Variants in HAPLN1 observed in about 807,000 individuals in gnomAD.
HAPLN1 encodes hyaluronan and proteoglycan link protein 1, also known as Cartilage link protein.
In HAPLN1, 13 loss-of-function variants were observed where a neutral mutation model predicts 36.5. That is an observed-to-expected ratio of 0.36 (90% confidence interval 0.23 to 0.57). HAPLN1 has a LOEUF of 0.57. Ranked by LOEUF, HAPLN1 falls within the 20% of genes least tolerant of loss-of-function variation. The probability of loss-of-function intolerance (pLI) is 0.83; values close to 1 mark genes in which losing one functional copy is unlikely to be tolerated. For missense variants in HAPLN1, 407 were observed against 439.7 expected (o/e 0.93, Z 0.66); for synonymous variants, 202 against 169.8 (o/e 1.19, Z -1.48).
At chr5:83,694,476 A>G (rs10059182) in intron 1 of HAPLN1, among the ~76,000 whole-genome samples, 84,804 of 151,720 alleles carry the variant, frequency 0.56, 25,519 homozygotes, top group Non-Finnish European at 0.68. Flanking sequence ...GTTCTTTGAA[A>G]AGATCAATAT....
At chr5:83,715,547 C>T (rs1285229829) in intron 1 of HAPLN1, among the ~76,000 whole-genome samples, 1 of 152,236 alleles carries the variant, frequency 6.6e-6, no homozygotes, top group Non-Finnish European at 1.5e-5. Flanking sequence ...CAACACCTAG[C>T]GTGGTGCCTG....
chr5:83,649,667 G>A (rs1023743133), intron 3 of HAPLN1, among the ~76,000 whole-genome samples: 1 of 151,898 alleles, frequency 6.6e-6, no homozygotes, highest in African/African-American at 2.4e-5. Flanking sequence ...CAGGCTGGTC[G>A]CAAACTCCTG....
In HAPLN1 at chr5:83,652,667, C is replaced by T. The variant is rs776852697; in HGVS notation, c.258G>A (p.Ser86=). Residue 86 remains serine, a synonymous_variant, in exon 3 of 5, where the codon TCG becomes TCA. Transcript: ENST00000274341. ...AAACATCCACTTCCTTGAGGTAATC[C>T]GAAGTTAGCTTGGTCCACTTAATTC... is the stretch of plus-strand genomic sequence containing the variant. ...KIRIKWTKLT[S]DYLKEVDVFV... 23 of 1,613,986 alleles carry T rather than the reference C, an allele frequency of 1.4e-5. No homozygotes were observed. The highest frequency in any genetic ancestry group is 3.3e-5 in the South Asian group (3 of 91,084).
chr5:83,717,555 C>G (rs1751941521), intron 1 of HAPLN1, among the ~76,000 whole-genome samples: 1 of 152,190 alleles, frequency 6.6e-6, no homozygotes, highest in Admixed American at 6.5e-5. Flanking sequence ...TTGTCCTGAT[C>G]ACTGTTGCAA....
At chr5:83,656,157 G>A (rs375998601) in intron 2 of HAPLN1, among the ~76,000 whole-genome samples, 15 of 151,794 alleles carry the variant, frequency 9.9e-5, no homozygotes, top group African/African-American at 3.6e-4. Flanking sequence ...GTGAAACCCC[G>A]TCTCAACTAA....
At chr5:83,648,145 C>G (rs1157326480) in intron 3 of HAPLN1, among the ~76,000 whole-genome samples, 1 of 151,866 alleles carries the variant, frequency 6.6e-6, no homozygotes, top group African/African-American at 2.4e-5. Context: ...AAGCTTGTTG[C>G]TTGTTGCCTG....
In HAPLN1 at chr5:83,639,734, G is replaced by A. The variant is rs2112544473; in HGVS notation, c.*1762C>T. The A allele has an allele frequency of 6.6e-6, 1 of 152,164 alleles. No individual in the cohort carries two copies. Among genetic ancestry groups the A allele is most frequent in the Non-Finnish European group, 1.5e-5 (1 of 67,920 alleles). 9.4% of individuals were successfully genotyped at this position (152,164 alleles called of 1,614,324 possible). On this transcript the variant is annotated 3_prime_UTR_variant, in exon 5 of 5. Transcript: ENST00000274341. ...CTCTTTGGATTTATAGTTTTGTACA[G>A]TTTGCATATCCAACCTAACTTAAAA...
chr5:83,720,552 G>A (rs188723145), intron 1 of HAPLN1, among the ~76,000 whole-genome samples: 68 of 152,258 alleles, frequency 4.5e-4, no homozygotes, highest in South Asian at 3.3e-3. Flanking sequence ...AGATACTAGA[G>A]TTAATTCTTT....
rs1224974904 is a variant in HAPLN1 at position 83,640,799 on chromosome 5, C to CT, written c.*696dup. The CT allele has an allele frequency of 6.6e-6, 1 of 151,572 alleles. No homozygotes were observed. Among genetic ancestry groups the CT allele is most frequent in the African/African-American group, 2.4e-5 (1 of 41,208 alleles). 9.4% of individuals were successfully genotyped at this position (151,572 alleles called of 1,614,324 possible). On this transcript the variant is annotated 3_prime_UTR_variant, in exon 5 of 5. Transcript: ENST00000274341. Reference sequence around the variant, plus strand: ...ATTTTAATTATAAGAAGGTAGAAGTCTTTTTCATTGGTTAAATATTATCTG... The same window carrying CT: ...ATTTTAATTATAAGAAGGTAGAAGTCTTTTTTCATTGGTTAAATATTATCTG...
intron 2 of HAPLN1, among the ~76,000 whole-genome samples, chr5:83,666,370 T>C (rs955806925): frequency 2.6e-5 from 4 of 152,150 alleles, no homozygotes; most frequent in Admixed American, 6.5e-5. Context: ...CACTATTTAA[T>C]AGGATTTTCT....
At chr5:83,672,841 G>A (rs973728778) in intron 2 of HAPLN1, among the ~76,000 whole-genome samples, 1 of 152,170 alleles carries the variant, frequency 6.6e-6, no homozygotes, top group African/African-American at 2.4e-5. Flanking sequence ...TGGGACTGAG[G>A]AAATAGCTGC....
intron 1 of HAPLN1, among the ~76,000 whole-genome samples, chr5:83,684,533 G>C (rs1751076535): frequency 6.6e-6 from 1 of 152,146 alleles, no homozygotes; most frequent in African/African-American, 2.4e-5. Context: ...AACGGTTTCA[G>C]AAAGGTGATC....
At chr5:83,666,241 T>A (rs552786352) in intron 2 of HAPLN1, among the ~76,000 whole-genome samples, 251 of 152,282 alleles carry the variant, frequency 1.6e-3, no homozygotes, top group African/African-American at 5.7e-3. Context: ...TATTATTTCT[T>A]GATATTTGGT....
At chr5:83,671,812 C>T (rs902993444) in intron 2 of HAPLN1, among the ~76,000 whole-genome samples, 2 of 152,210 alleles carry the variant, frequency 1.3e-5, no homozygotes, top group Admixed American at 6.5e-5. Context: ...GGCAAGCCTG[C>T]ACTTTCTAAG....
chr5:83,671,744 A>G (rs1750729573), intron 2 of HAPLN1, among the ~76,000 whole-genome samples: 1 of 152,250 alleles, frequency 6.6e-6, no homozygotes, highest in African/African-American at 2.4e-5. Context: ...TTTCAGCATT[A>G]AATTTCCACA....
chr5:83,641,148 G>A lies in HAPLN1; in HGVS notation c.*348C>T, dbSNP rs973976135. Reference sequence around the variant, plus strand: ...TGTAAAGTTTGTGCTTGTGGAACCTGCTGCTCTGAGTAGCTTTACTTTCCT... The same window carrying A: ...TGTAAAGTTTGTGCTTGTGGAACCTACTGCTCTGAGTAGCTTTACTTTCCT... On this transcript the variant is annotated 3_prime_UTR_variant, in exon 5 of 5. Coordinates refer to ENST00000274341, the MANE Select transcript of HAPLN1 (RefSeq NM_001884.4). 6.5e-6 allele frequency: 1 copy of A among 153,986 alleles called. No homozygotes were observed. The highest frequency in any genetic ancestry group is 2.4e-5 in the African/African-American group (1 of 41,482). 9.5% of individuals were successfully genotyped at this position (153,986 alleles called of 1,614,324 possible).
intron 1 of HAPLN1, among the ~76,000 whole-genome samples, chr5:83,709,995 A>G (rs1030960032): frequency 6.6e-6 from 1 of 152,210 alleles, no homozygotes; most frequent in Non-Finnish European, 1.5e-5. Context: ...AAATGGTGCT[A>G]TTTACTAAAC....
intron 2 of HAPLN1, among the ~76,000 whole-genome samples, chr5:83,660,210 C>T (rs1750345973): frequency 1.3e-5 from 2 of 152,088 alleles, no homozygotes; most frequent in African/African-American, 4.8e-5. Context: ...TTCCTTAGAG[C>T]TAAATGGATT....
chr5:83,673,280 C>T lies in HAPLN1; in HGVS notation c.100+144G>A. 1.0e-5 allele frequency: 6 copies of T among 592,558 alleles called. No homozygotes were observed. In the South Asian group the frequency reaches 1.1e-4, roughly 11 times the overall value. The allele number at this position is 592,558 out of a possible 1,614,324, so 36.7% of individuals were successfully genotyped here. On this transcript the variant is annotated intron_variant, in intron 2 of 4. Coordinates refer to ENST00000274341, the MANE Select transcript of HAPLN1 (RefSeq NM_001884.4). ...CTGTAATGCAATAGTGTTTAAAAGC[C>T]AGGGAACACGTTCACCAATTAGCAG...
Sources: gnomAD v4.1 joint callset for allele counts (sites outside exome capture counted in the v4.1 genomes callset) on GRCh38, gnomAD v4.1.1 for gene constraint, MANE v1.5 for transcripts, NCBI Gene and HGNC (gene_info 2026-07-23, HGNC 2026-07-21) for gene names.